The following MAGI1 variants were observed in gnomAD, a reference collection of about 807,000 sequenced individuals.
The protein encoded by MAGI1 is membrane associated guanylate kinase, WW and PDZ domain containing 1, also known as membrane-associated guanylate kinase, WW and PDZ domain-containing protein 1.
MAGI1 carries 58 observed loss-of-function variants against 139.9 expected under a neutral mutation model. The observed-to-expected ratio is 0.41, with a 90% CI of 0.34 to 0.52. The LOEUF (loss-of-function observed/expected upper bound fraction) is 0.52. Among genes scored for constraint, MAGI1 ranks in the 20% least tolerant of loss-of-function variants. The probability of loss-of-function intolerance (pLI) is 0.12; values close to 1 mark genes in which losing one functional copy is unlikely to be tolerated. For synonymous variants in MAGI1, 812 were observed against 737.9 expected (o/e 1.10, Z -1.63); for missense variants, 1,874 against 1,901.6 (o/e 0.99, Z 0.27).
At chr3:65,734,861 G>A (rs2034575533) in intron 1 of MAGI1, among the ~76,000 whole-genome samples, 1 of 150,214 alleles carries the variant, frequency 6.7e-6, no homozygotes, top group African/African-American at 2.5e-5. Context: ...GGTGGGGGGA[G>A]GGGAGGTGAA....
intron 1 of MAGI1, among the ~76,000 whole-genome samples, chr3:65,869,749 C>T (rs994208733): frequency 6.6e-6 from 1 of 152,110 alleles, no homozygotes; most frequent in Non-Finnish European, 1.5e-5. Context: ...CAGAGCATGG[C>T]ACATAGTAGG....
intron 2 of MAGI1, among the ~76,000 whole-genome samples, chr3:65,591,818 G>C (rs1234817314): frequency 4.6e-5 from 7 of 152,166 alleles, no homozygotes; most frequent in African/African-American, 1.7e-4. Flanking sequence ...CTTTTACCCA[G>C]TTATGCACAT....
intron 1 of MAGI1, among the ~76,000 whole-genome samples, chr3:65,799,830 T>A (rs2040403597): frequency 6.6e-6 from 1 of 152,208 alleles, no homozygotes; most frequent in Admixed American, 6.5e-5. Flanking sequence ...TGTAGTGTAT[T>A]GCACATTTTC....
At position 65,781,302 on chromosome 3, in the gene MAGI1, T is replaced by C. The variant is rs536707709; in HGVS notation, c.314-159214A>G. On this transcript the variant is annotated intron_variant, in intron 1 of 22. Transcript: ENST00000402939. The stretch of plus-strand genomic sequence containing the variant: ...AGATACTGACACAATACAAGATATC[T>C]GACAGCATTCATTGAGTATACTTAC... Among the ~76,000 whole-genome samples the C allele has an allele frequency of 7.2e-5, 11 of 152,346 alleles. No individual in the cohort carries two copies. In the South Asian group the frequency reaches 1.0e-3, roughly 14 times the overall value.
At chr3:65,719,395 TA>T (rs982386080) in intron 1 of MAGI1, among the ~76,000 whole-genome samples, 1 of 151,840 alleles carries the variant, frequency 6.6e-6, no homozygotes, top group Non-Finnish European at 1.5e-5. Flanking sequence ...TATTTTAAAT[TA>T]AAAATATTAT....
intron 1 of MAGI1, among the ~76,000 whole-genome samples, chr3:65,805,852 C>A (rs540779169): frequency 2.2e-4 from 33 of 152,280 alleles, no homozygotes; most frequent in Non-Finnish European, 4.1e-4. Context: ...AAACTAAACA[C>A]CGCATGTTCT....
intron 1 of MAGI1, 66 bp downstream of exon 1, chr3:66,037,930 T>C: frequency 6.6e-7 from 1 of 1,511,194 alleles, no homozygotes; most frequent in Admixed American, 2.3e-5. Flanking sequence ...AAATCGAGAA[T>C]AAGGGGCAGC....
chr3:65,610,807 A>ATATATTG (rs2083030936), intron 2 of MAGI1, among the ~76,000 whole-genome samples: 1 of 110,104 alleles, frequency 9.1e-6, no homozygotes, highest in Non-Finnish European at 2.0e-5. Flanking sequence ...ATATATAGGT[A>ATATATTG]TATATAGTAT....
chr3:65,847,631 T>C (rs1045071095), intron 1 of MAGI1, among the ~76,000 whole-genome samples: 1 of 152,236 alleles, frequency 6.6e-6, no homozygotes, highest in African/African-American at 2.4e-5. Flanking sequence ...AGAGTACTCT[T>C]GAGCTTACAC....
chr3:65,990,659 CT>C (rs1398324563), intron 1 of MAGI1, among the ~76,000 whole-genome samples: 2 of 152,152 alleles, frequency 1.3e-5, no homozygotes, highest in Admixed American at 1.3e-4. Flanking sequence ...ACTGGACCTG[CT>C]CAGAAAGAGA....
At chr3:65,671,531 G>T (rs1007708693) in intron 1 of MAGI1, among the ~76,000 whole-genome samples, 4 of 152,202 alleles carry the variant, frequency 2.6e-5, no homozygotes, top group East Asian at 1.9e-4. Context: ...CCTAAACCTG[G>T]CTACATATTA....
At chr3:65,501,453 C>CAA (rs35967662) in intron 2 of MAGI1, among the ~76,000 whole-genome samples, 20,549 of 80,358 alleles carry the variant, frequency 0.26, 2,969 homozygotes, top group Middle Eastern at 0.36. Context: ...GACTCTGTCT[C>CAA]AAAAAAAAAA....
chr3:65,422,559 T>C (rs13093148), intron 12 of MAGI1, among the ~76,000 whole-genome samples: 22,503 of 152,202 alleles, frequency 0.15, 1,877 homozygotes, highest in Middle Eastern at 0.19. Context: ...TTTCATTCAA[T>C]GCAGATGATT....
intron 18 of MAGI1, among the ~76,000 whole-genome samples, chr3:65,370,429 T>C (rs1288668623): frequency 6.6e-6 from 1 of 152,246 alleles, no homozygotes; most frequent in Non-Finnish European, 1.5e-5. Context: ...AGAACATGTA[T>C]TGCCTTAAAA....
intron 1 of MAGI1, among the ~76,000 whole-genome samples, chr3:65,910,575 T>C (rs2061616776): frequency 6.6e-6 from 1 of 152,102 alleles, no homozygotes; most frequent in African/African-American, 2.4e-5. Context: ...CATGGAAGCA[T>C]GAGATAGCTG....
intron 2 of MAGI1, among the ~76,000 whole-genome samples, chr3:65,573,180 AAAC>A (rs2081033575): frequency 6.6e-6 from 1 of 152,274 alleles, no homozygotes; most frequent in Admixed American, 6.5e-5. Flanking sequence ...ATCAAAATAA[AAAC>A]AAACTGCACA....
chr3:65,639,975 G>A (rs1451133527), intron 1 of MAGI1, among the ~76,000 whole-genome samples: 7 of 142,170 alleles, frequency 4.9e-5, no homozygotes, highest in Admixed American at 7.0e-5. Context: ...GGCAACAAGC[G>A]CAAAACTCCG....
At chr3:65,906,822 G>A (rs1402577780) in intron 1 of MAGI1, among the ~76,000 whole-genome samples, 2 of 151,334 alleles carry the variant, frequency 1.3e-5, no homozygotes, top group Non-Finnish European at 2.9e-5. Flanking sequence ...GGAGGTGGAG[G>A]TTGCAGTGAG....
intron 2 of MAGI1, among the ~76,000 whole-genome samples, chr3:65,607,400 T>A (rs1053771433): frequency 6.6e-6 from 1 of 152,092 alleles, no homozygotes; most frequent in African/African-American, 2.4e-5. Context: ...AGAAGTGGTA[T>A]CTTCATCACC....
Sources: gnomAD v4.1 joint callset for allele counts (sites outside exome capture counted in the v4.1 genomes callset) on GRCh38, gnomAD v4.1.1 for gene constraint, MANE v1.5 for transcripts, NCBI Gene and HGNC (gene_info 2026-07-23, HGNC 2026-07-21) for gene names.